DLG2: variants seen among roughly 807,000 people sequenced by gnomAD.
DLG2 encodes discs large MAGUK scaffold protein 2.
A neutral mutation model predicts 132.5 loss-of-function variants in DLG2; 45 were observed. The observed-to-expected ratio is 0.34, with a 90% CI of 0.27 to 0.44. The LOEUF is 0.44. DLG2 is among the 20% of genes least tolerant of loss of function. The probability of loss-of-function intolerance (pLI) is 1.00; values close to 1 mark genes in which losing one functional copy is unlikely to be tolerated. For synonymous variants in DLG2, 424 were observed against 419.6 expected (o/e 1.01, Z -0.13); for missense variants, 1,045 against 1,196.9 (o/e 0.87, Z 1.87).
At chr11:85,607,729 G>A (rs886671268) in intron 2 of DLG2, among the ~76,000 whole-genome samples, 2 of 152,148 alleles carry the variant, frequency 1.3e-5, no homozygotes, top group Non-Finnish European at 2.9e-5. Context: ...CCTAATAAAG[G>A]CTATTCCTAC....
chr11:84,513,179 T>C (rs774151201), intron 7 of DLG2, among the ~76,000 whole-genome samples: 2 of 151,790 alleles, frequency 1.3e-5, no homozygotes, highest in Non-Finnish European at 2.9e-5. Flanking sequence ...TTAAAAGAAA[T>C]TGAAGAGGAC....
chr11:84,938,399 T>G (rs1373155854), intron 6 of DLG2, among the ~76,000 whole-genome samples: 1 of 152,014 alleles, frequency 6.6e-6, no homozygotes, highest in Non-Finnish European at 1.5e-5. Flanking sequence ...AATTATGAAT[T>G]TAATTACATA....
intron 3 of DLG2, among the ~76,000 whole-genome samples, chr11:85,578,959 T>C (rs530589352): frequency 6.6e-6 from 1 of 152,056 alleles, no homozygotes; most frequent in Non-Finnish European, 1.5e-5. Context: ...CTATTCACAA[T>C]AGGAAAGATA....
At chr11:83,906,222 T>TATAGTAG (rs2074779906) in intron 15 of DLG2, among the ~76,000 whole-genome samples, 1 of 145,722 alleles carries the variant, frequency 6.9e-6, no homozygotes, top group Non-Finnish European at 1.5e-5. Flanking sequence ...GGAAGATTGC[T>TATAGTAG]ATAGTAGATG....
At chr11:84,572,320 A>G (rs2099487311) in intron 6 of DLG2, among the ~76,000 whole-genome samples, 1 of 152,142 alleles carries the variant, frequency 6.6e-6, no homozygotes, top group Non-Finnish European at 1.5e-5. Flanking sequence ...GGCCTGGCTA[A>G]TGACTTGCTT....
At chr11:84,062,029 T>C (rs1351416550) in intron 10 of DLG2, among the ~76,000 whole-genome samples, 1 of 152,176 alleles carries the variant, frequency 6.6e-6, no homozygotes, top group African/African-American at 2.4e-5. Flanking sequence ...AATTATATCT[T>C]AAAACACTGC....
chr11:85,425,707 T>C (rs2090664092), intron 3 of DLG2, among the ~76,000 whole-genome samples: 1 of 152,132 alleles, frequency 6.6e-6, no homozygotes, highest in South Asian at 2.1e-4. Context: ...GCTCCCAGCA[T>C]GAGCGACGCA....
intron 3 of DLG2, among the ~76,000 whole-genome samples, chr11:85,512,790 C>T (rs2094103997): frequency 6.6e-6 from 1 of 151,956 alleles, no homozygotes; most frequent in Admixed American, 6.6e-5. Context: ...GGAGATTTCT[C>T]AAAGAACTGA....
intron 6 of DLG2, among the ~76,000 whole-genome samples, chr11:84,932,055 C>T (rs2048157519): frequency 1.3e-5 from 2 of 152,072 alleles, no homozygotes; most frequent in South Asian, 4.2e-4. Context: ...AATTTTTCTC[C>T]CATTCTGTAG....
chr11:84,866,181 G>C (rs1347963162), intron 6 of DLG2, among the ~76,000 whole-genome samples: 1 of 143,962 alleles, frequency 6.9e-6, no homozygotes, highest in Non-Finnish European at 1.5e-5. Flanking sequence ...CCTTCTGTGG[G>C]AGCTCCCACT....
intron 16 of DLG2, among the ~76,000 whole-genome samples, chr11:83,838,746 G>C (rs1299841565): frequency 3.3e-5 from 5 of 150,610 alleles, no homozygotes; most frequent in African/African-American, 4.9e-5. Flanking sequence ...TCATGCTCTA[G>C]TTTGCCATAG....
rs75323382 is a variant in DLG2, at chr11:84,019,866, G to A, written c.920-39224C>T. 1.1e-3 allele frequency among the ~76,000 whole-genome samples: 161 copies of A among 152,208 alleles called. 2 individuals carry two copies. In the East Asian group the frequency reaches 0.029, roughly 27 times the overall value. On this transcript the variant is annotated intron_variant, in intron 11 of 27. Transcript: ENST00000376104. ...AAGGAAACAACCTTGCTAATATCTC[G>A]ATCTCAGACTTGTACCCTCCAGAAG... is the stretch of plus-strand genomic sequence containing the variant.
chr11:84,397,427 G>A lies in DLG2; in HGVS notation c.519+137143C>T, dbSNP rs997479578. 3.3e-5 allele frequency among the ~76,000 whole-genome samples: 5 copies of A among 152,200 alleles called. No individual in the cohort carries two copies. The East Asian group carries it at 5.8e-4, about 18-fold the overall frequency. On this transcript the variant is annotated intron_variant, in intron 7 of 27. Coordinates refer to ENST00000376104, the MANE Select transcript of DLG2 (RefSeq NM_001142699.3). ...GACCCACAGATGATGAATTCTCTTA[G>A]CCTTGTTTGCAGTTATTTTGGCACC...
chr11:83,712,523 G>C lies in DLG2; in HGVS notation c.1825+74167C>G, dbSNP rs192125773. On this transcript the variant is annotated intron_variant, in intron 18 of 27. Transcript: ENST00000376104. The stretch of plus-strand genomic sequence containing the variant: ...TGCATGCCTGTAATCCCAGCTACTC[G>C]GGAGGCTGAGGTGGGAGAATTACTT... 2.3e-3 allele frequency among the ~76,000 whole-genome samples: 346 copies of C among 152,130 alleles called. 4 individuals are homozygous for C. The highest frequency in any genetic ancestry group is 7.8e-3 in the African/African-American group (324 of 41,502).
At chr11:84,983,497 G>C (rs2056060442) in intron 6 of DLG2, among the ~76,000 whole-genome samples, 1 of 151,774 alleles carries the variant, frequency 6.6e-6, no homozygotes, top group South Asian at 2.1e-4. Flanking sequence ...CTGAACAGCA[G>C]CCTTGAGCCC....
chr11:84,839,487 A>T (rs1362175364), intron 6 of DLG2, among the ~76,000 whole-genome samples: 1 of 152,142 alleles, frequency 6.6e-6, no homozygotes, highest in African/African-American at 2.4e-5. Context: ...GAATCGGAAA[A>T]AACTACTTTA....
intron 8 of DLG2, among the ~76,000 whole-genome samples, chr11:84,165,469 T>C (rs2095640316): frequency 6.6e-6 from 1 of 152,222 alleles, no homozygotes; most frequent in South Asian, 2.1e-4. Flanking sequence ...CTACATAAAC[T>C]ATTGCAGGCT....
At chr11:84,474,321 T>A (rs528334927) in intron 7 of DLG2, among the ~76,000 whole-genome samples, 1 of 152,226 alleles carries the variant, frequency 6.6e-6, no homozygotes, top group Admixed American at 6.6e-5. Context: ...TAAATAATTT[T>A]AATGCTATCT....
At chr11:85,212,340 T>C (rs2082307804) in intron 4 of DLG2, among the ~76,000 whole-genome samples, 1 of 152,054 alleles carries the variant, frequency 6.6e-6, no homozygotes, top group South Asian at 2.1e-4. Flanking sequence ...CGTCTTTCTC[T>C]CTCTCTCTGT....
Sources: gnomAD v4.1 joint callset for allele counts (sites outside exome capture counted in the v4.1 genomes callset) on GRCh38, gnomAD v4.1.1 for gene constraint, MANE v1.5 for transcripts, NCBI Gene and HGNC (gene_info 2026-07-23, HGNC 2026-07-21) for gene names.